The following ESF1 variants were observed in gnomAD, a reference collection of about 807,000 sequenced individuals.
ESF1 encodes the protein ESF1 nucleolar pre-rRNA processing protein, also known as ESF1 homolog.
Under a neutral mutation model 92.0 loss-of-function variants are expected in ESF1, and 58 were observed. The ratio of observed to expected loss-of-function variants is 0.63; its 90% CI spans 0.51 to 0.78. The LOEUF (loss-of-function observed/expected upper bound fraction) is 0.78, where lower values mean the gene tolerates loss of function less well. Among genes scored for constraint, ESF1 ranks in the 30% least tolerant of loss-of-function variants. ESF1 has a pLI of 0.00. For synonymous variants in ESF1, 321 were observed against 313.7 expected (o/e 1.02, Z -0.24); for missense variants, 922 against 989.1 (o/e 0.93, Z 0.91).
intron 10 of ESF1, among the ~76,000 whole-genome samples, chr20:13,729,118 G>C (rs2049923998): frequency 6.6e-6 from 1 of 152,052 alleles, no homozygotes; most frequent in South Asian, 2.1e-4. Flanking sequence ...AGTTAGCCAG[G>C]CATGGTGGTG....
intron 5 of ESF1, 97 bp downstream of exon 5, chr20:13,772,418 G>T: frequency 1.1e-6 from 1 of 892,116 alleles, no homozygotes; most frequent in Non-Finnish European, 1.8e-6. Context: ...AATGGCACAA[G>T]TATAAACTTT....
chr20:13,765,818 A>T (rs1375402201), intron 8 of ESF1, among the ~76,000 whole-genome samples: 1 of 152,262 alleles, frequency 6.6e-6, no homozygotes, highest in Non-Finnish European at 1.5e-5. Context: ...TCAAAGTAAC[A>T]CACAAAATTA....
At chr20:13,747,101 T>C (rs529525524) in intron 9 of ESF1, among the ~76,000 whole-genome samples, 114 of 152,288 alleles carry the variant, frequency 7.5e-4, no homozygotes, top group Non-Finnish European at 1.3e-3. Context: ...GGCTAATTTG[T>C]CATCCACTGG....
At chr20:13,716,803 GATTTTTTTTTTTTT>G (rs2049829854) in intron 13 of ESF1, among the ~76,000 whole-genome samples, 1 of 58,462 alleles carries the variant, frequency 1.7e-5, no homozygotes, top group African/African-American at 6.1e-5. Context: ...ACTATACCTG[GATTTTTTTTTTTTT>G]TTTTTTTTTT....
chr20:13,758,125 A>C (rs557295455), intron 9 of ESF1, among the ~76,000 whole-genome samples: 1 of 152,306 alleles, frequency 6.6e-6, no homozygotes, highest in East Asian at 1.9e-4. Context: ...CAATTCTAAT[A>C]ATATAGAGAA....
At position 13,714,798 on chromosome 20, in the gene ESF1, C is replaced by T; in HGVS notation, c.*76G>A. ...TGTTCTTGAAAGATAGCTTTGTTCC[C>T]AATAAATATTCCCTCCTATTATTTT... On this transcript the variant is annotated 3_prime_UTR_variant, in exon 14 of 14. Transcript: ENST00000617257. 8.2e-7 allele frequency: 1 copy of T among 1,214,574 alleles called. No homozygotes were observed. Among genetic ancestry groups the T allele is most frequent in the Non-Finnish European group, 1.1e-6 (1 of 886,540 alleles). 75.2% of individuals were successfully genotyped at this position (1,214,574 alleles called of 1,614,324 possible).
chr20:13,766,999 T>C (rs970763318), intron 7 of ESF1, 75 bp from the exon 8 acceptor site: 1 of 1,391,282 alleles, frequency 7.2e-7, no homozygotes, highest in Admixed American at 2.0e-5. Flanking sequence ...GAATATATAC[T>C]ATTAACCTGG....
rs1448398117 is a variant in ESF1 at position 13,783,031 on chromosome 20, C to T, written c.110G>A (p.Arg37Lys). ...EKDRKVKIDK[R>K]FRAMFHDKKF... is the part of the protein sequence containing the mutation. ...CTTGTCATGAAACATGGCTCGAAAT[C>T]TCTTGTCAATTTTGACTTTTCGATC... Residue 37 changes from arginine (R) to lysine (K), a missense_variant, in exon 2 of 14, where the codon AGA becomes AAA. By Grantham distance (26) the Arg-to-Lys change is conservative. Coordinates refer to ENST00000617257, the MANE Select transcript of ESF1 (RefSeq NM_001276380.2). The T allele has an allele frequency of 1.2e-6, 2 of 1,614,110 alleles. No homozygotes were observed. Among genetic ancestry groups the T allele is most frequent in the Non-Finnish European group, 1.7e-6 (2 of 1,180,028 alleles).
At chr20:13,740,787 T>G (rs1418678987) in intron 9 of ESF1, among the ~76,000 whole-genome samples, 1 of 152,120 alleles carries the variant, frequency 6.6e-6, no homozygotes, top group Non-Finnish European at 1.5e-5. Context: ...AGACCACATC[T>G]CTCCTGACAG....
chr20:13,727,733 C>A, intron 11 of ESF1, among the ~76,000 whole-genome samples: 1 of 152,060 alleles, frequency 6.6e-6, no homozygotes, highest in Non-Finnish European at 1.5e-5. Context: ...GGAAACAAGG[C>A]TCCCTGGATA....
At chr20:13,717,564 AC>A in intron 12 of ESF1, 50 bp from the exon 13 acceptor site, 1 of 1,602,028 alleles carries the variant, frequency 6.2e-7, no homozygotes. Context: ...TTTTTTTTCC[AC>A]CCCCAAAAAG....
intron 12 of ESF1, among the ~76,000 whole-genome samples, chr20:13,718,376 T>C (rs1047401059): frequency 2.0e-5 from 3 of 152,216 alleles, no homozygotes; most frequent in South Asian, 2.1e-4. Context: ...CAAAATCACA[T>C]ATGACTCTGT....
chr20:13,771,464 T>G lies in ESF1; in HGVS notation c.1270A>C (p.Arg424=). The G allele has an allele frequency of 6.2e-7, 1 of 1,612,772 alleles. No individual in the cohort carries two copies. The part of the protein sequence containing the change: ...EKDWTSREKL[R]DYQFKRLKYY... ...TTCAGTCGTTTGAATTGATAATCTCTCAATTTTTCTCTAGACGTCCTAAAG... is the reference window on the plus strand; with the variant it reads ...TTCAGTCGTTTGAATTGATAATCTCGCAATTTTTCTCTAGACGTCCTAAAG... The change falls in exon 6 of 14, where the codon AGA becomes CGA. Residue 424 remains arginine, a synonymous_variant. Transcript: ENST00000617257.
At chr20:13,751,897 A>T (rs1174627034) in intron 9 of ESF1, among the ~76,000 whole-genome samples, 2 of 152,196 alleles carry the variant, frequency 1.3e-5, no homozygotes, top group African/African-American at 2.4e-5. Context: ...CAGGAGGCTG[A>T]GGCAGGAGAA....
intron 9 of ESF1, among the ~76,000 whole-genome samples, chr20:13,755,987 G>A (rs1238974476): frequency 3.3e-5 from 5 of 152,034 alleles, no homozygotes; most frequent in African/African-American, 4.8e-5. Flanking sequence ...TGAATGATAC[G>A]GTATAATCTC....
Position 13,755,831 on chromosome 20 carries a change from C to A in ESF1, c.1828+3861G>T, listed in dbSNP as rs537708871. ...CTCCTCATGTTACTATACTGTATAA[C>A]CCAATGTAAAAAGGTAGAACGTTTA... On this transcript the variant is annotated intron_variant, in intron 9 of 13. Coordinates refer to ENST00000617257, the MANE Select transcript of ESF1 (RefSeq NM_001276380.2). 5.9e-5 allele frequency among the ~76,000 whole-genome samples: 9 copies of A among 152,142 alleles called. No individual in the cohort carries two copies. In the South Asian group the frequency reaches 1.9e-3, roughly 32 times the overall value.
chr20:13,770,269 G>A (rs901687210), intron 6 of ESF1, among the ~76,000 whole-genome samples: 2 of 152,150 alleles, frequency 1.3e-5, no homozygotes, highest in African/African-American at 4.8e-5. Flanking sequence ...GATAGAAATC[G>A]TGCATTAGGA....
rs759518370 is a variant in ESF1, at chr20:13,759,859, G to GA, written c.1667-7dup. The GA allele has an allele frequency of 1.4e-4, 220 of 1,564,394 alleles. No homozygotes were observed. The highest frequency in any genetic ancestry group is 6.2e-4 in the Admixed American group (31 of 49,834). ...TACATTGACTCCATCATCACCTAATGAAAAAAAAATTCACTTAATACACAG... is the reference window on the plus strand; with the variant it reads ...TACATTGACTCCATCATCACCTAATGAAAAAAAAAATTCACTTAATACACAG... On this transcript the variant is annotated splice_polypyrimidine_tract_variant and splice_region_variant and intron_variant, in intron 8 of 13. Coordinates refer to ENST00000617257, the MANE Select transcript of ESF1 (RefSeq NM_001276380.2).
chr20:13,746,297 C>A (rs1600277828), intron 9 of ESF1, among the ~76,000 whole-genome samples: 2 of 152,212 alleles, frequency 1.3e-5, no homozygotes, highest in South Asian at 4.2e-4. Flanking sequence ...TAAATACACA[C>A]TTTAATATAT....
Sources: allele counts gnomAD v4.1 joint callset (sites outside exome capture counted in the v4.1 genomes callset), GRCh38; gene constraint gnomAD v4.1.1; transcripts MANE v1.5; gene names NCBI Gene and HGNC (gene_info 2026-07-23, HGNC 2026-07-21).